METTL24: variants seen among roughly 807,000 people sequenced by gnomAD.
METTL24 encodes the protein methyltransferase like 24.
A neutral mutation model predicts 32.7 loss-of-function variants in METTL24; 29 were observed. That is an observed-to-expected ratio of 0.89 (90% confidence interval 0.66 to 1.21). METTL24 has a LOEUF of 1.21. Among genes scored for constraint, METTL24 ranks in the 50% most tolerant of loss-of-function variants. The pLI is 0.00. For missense variants in METTL24, 439 were observed against 468.1 expected, an observed-to-expected ratio of 0.94 and a Z score of 0.57; for synonymous variants, 163 against 179.5, an observed-to-expected ratio of 0.91 and a Z score of 0.73.
intron 4 of METTL24, among the ~76,000 whole-genome samples, chr6:110,266,021 C>T (rs185470094): frequency 4.7e-4 from 72 of 152,150 alleles, no homozygotes; most frequent in Admixed American, 3.5e-3. Context: ...CTACCTCAGC[C>T]TCCAGAGTAG....
intron 4 of METTL24, among the ~76,000 whole-genome samples, chr6:110,256,771 TG>T (rs1778392868): frequency 6.6e-6 from 1 of 152,234 alleles, no homozygotes; most frequent in African/African-American, 2.4e-5. Context: ...GTTCGGGTCT[TG>T]ATTTTCAACT....
intron 1 of METTL24, among the ~76,000 whole-genome samples, chr6:110,348,626 G>A (rs1181625880): frequency 6.6e-6 from 1 of 152,202 alleles, no homozygotes; most frequent in African/African-American, 2.4e-5. Flanking sequence ...TATAAAACAC[G>A]AATATTGCCT....
At chr6:110,347,077 C>T (rs893002405) in intron 1 of METTL24, among the ~76,000 whole-genome samples, 3 of 152,138 alleles carry the variant, frequency 2.0e-5, no homozygotes, top group African/African-American at 4.8e-5. Flanking sequence ...TATCCTTGCC[C>T]AGACTATGAC....
At chr6:110,341,944 C>T (rs1192232848) in intron 1 of METTL24, among the ~76,000 whole-genome samples, 1 of 152,138 alleles carries the variant, frequency 6.6e-6, no homozygotes, top group Non-Finnish European at 1.5e-5. Flanking sequence ...CTCCAAAATG[C>T]ATAGGATGCT....
At chr6:110,310,604 A>G (rs1771705210) in intron 3 of METTL24, among the ~76,000 whole-genome samples, 1 of 152,088 alleles carries the variant, frequency 6.6e-6, no homozygotes, top group Non-Finnish European at 1.5e-5. Flanking sequence ...CCCTATCTTA[A>G]TTGGTCTAGT....
At chr6:110,283,612 G>C (rs1344844118) in intron 4 of METTL24, among the ~76,000 whole-genome samples, 1 of 152,168 alleles carries the variant, frequency 6.6e-6, no homozygotes, top group African/African-American at 2.4e-5. Context: ...GGGAACCGAT[G>C]ACAGCTGAGA....
At chr6:110,343,855 G>C (rs373836684) in intron 1 of METTL24, among the ~76,000 whole-genome samples, 1 of 152,174 alleles carries the variant, frequency 6.6e-6, no homozygotes, top group Non-Finnish European at 1.5e-5. Context: ...TTAGAGAAGC[G>C]GGCAGTGCAG....
intron 4 of METTL24, among the ~76,000 whole-genome samples, chr6:110,267,798 G>A (rs527951336): frequency 9.4e-4 from 143 of 152,266 alleles, no homozygotes; most frequent in African/African-American, 3.3e-3. Flanking sequence ...TGTGAGGGCT[G>A]CAGGAAACTT....
At chr6:110,318,023 T>C (rs1039155042) in intron 2 of METTL24, among the ~76,000 whole-genome samples, 1 of 152,170 alleles carries the variant, frequency 6.6e-6, no homozygotes, top group African/African-American at 2.4e-5. Flanking sequence ...GAGGCTATAC[T>C]TGGGCCAGAG....
At position 110,328,847 on chromosome 6, in the gene METTL24, C is replaced by G. The variant is rs550900024; in HGVS notation, c.319-5975G>C. Among the ~76,000 whole-genome samples, 4 of 152,316 alleles carry G rather than the reference C, an allele frequency of 2.6e-5. No homozygotes were observed. The East Asian group carries it at 7.7e-4, about 29-fold the overall frequency. ...CTATCGATTCTGTGTTATGCAAAAG[C>G]TTTCTTTGTTGTAAAATTTGGAATA... On this transcript the variant is annotated intron_variant, in intron 1 of 4. Coordinates refer to ENST00000338882, the MANE Select transcript of METTL24 (RefSeq NM_001123364.3).
chr6:110,281,890 A>C (rs569821630), intron 4 of METTL24, among the ~76,000 whole-genome samples: 14 of 152,272 alleles, frequency 9.2e-5, no homozygotes, highest in Admixed American at 2.6e-4. Context: ...ATGTAGTGAA[A>C]AGTATCAAAC....
chr6:110,325,731 C>T (rs1252730393), intron 1 of METTL24, among the ~76,000 whole-genome samples: 1 of 152,164 alleles, frequency 6.6e-6, no homozygotes, highest in Non-Finnish European at 1.5e-5. Context: ...ATGGAATTTA[C>T]TGGGCAAAAA....
At chr6:110,265,424 G>A (rs544342391) in intron 4 of METTL24, among the ~76,000 whole-genome samples, 8 of 152,222 alleles carry the variant, frequency 5.3e-5, no homozygotes, top group South Asian at 4.1e-4. Flanking sequence ...GCTTGCCCAC[G>A]TATCCATTCT....
chr6:110,245,912 A>G lies in METTL24; in HGVS notation c.*34T>C. 1.3e-6 allele frequency: 2 copies of G among 1,563,246 alleles called. No individual in the cohort carries two copies. The highest frequency in any genetic ancestry group is 1.2e-5 in the South Asian group (1 of 83,504). On this transcript the variant is annotated 3_prime_UTR_variant, in exon 5 of 5. Transcript: ENST00000338882. ...ATTATGGACATGCTGCATTCTGCAA[A>G]TATTTTCTTGTGCTCTTGATGACAT...
chr6:110,308,641 T>A (rs1015436219), intron 3 of METTL24, among the ~76,000 whole-genome samples: 1 of 152,192 alleles, frequency 6.6e-6, no homozygotes, highest in African/African-American at 2.4e-5. Context: ...TACAGGAATG[T>A]TCATAGCAAC....
chr6:110,331,965 C>T lies in METTL24; in HGVS notation c.319-9093G>A, dbSNP rs576288483. 3.0e-3 allele frequency among the ~76,000 whole-genome samples: 454 copies of T among 152,302 alleles called. 5 individuals carry two copies. The highest frequency in any genetic ancestry group is 5.3e-3 in the Non-Finnish European group (360 of 68,034). Reference sequence around the variant, plus strand: ...CCCTCAGGCCCCCTCCCTGTCAAGACCCAGCTCTCTCTCTCTGCAAGCCCA... The same window carrying T: ...CCCTCAGGCCCCCTCCCTGTCAAGATCCAGCTCTCTCTCTCTGCAAGCCCA... On this transcript the variant is annotated intron_variant, in intron 1 of 4. Coordinates refer to ENST00000338882, the MANE Select transcript of METTL24 (RefSeq NM_001123364.3).
intron 4 of METTL24, chr6:110,254,347 A>G (rs1778341620): frequency 6.5e-6 from 1 of 153,566 alleles, no homozygotes; most frequent in African/African-American, 2.4e-5. Flanking sequence ...TTAAAATTGA[A>G]TTATCAACCA....
At chr6:110,309,557 G>A (rs577136729) in intron 3 of METTL24, among the ~76,000 whole-genome samples, 20 of 152,306 alleles carry the variant, frequency 1.3e-4, no homozygotes, top group African/African-American at 4.1e-4. Context: ...ACAGTTGCAC[G>A]TGTCTGGGGA....
intron 4 of METTL24, among the ~76,000 whole-genome samples, chr6:110,265,169 GAA>G (rs1770831246): frequency 2.0e-5 from 3 of 148,976 alleles, no homozygotes; most frequent in South Asian, 2.1e-4. Flanking sequence ...AAGAAAGAAA[GAA>G]AGAAAGAAAG....
Sources: gnomAD v4.1 joint callset for allele counts (sites outside exome capture counted in the v4.1 genomes callset) on GRCh38, gnomAD v4.1.1 for gene constraint, MANE v1.5 for transcripts, NCBI Gene and HGNC (gene_info 2026-07-23, HGNC 2026-07-21) for gene names.